The following CADPS variants were observed in gnomAD, a reference collection of about 807,000 sequenced individuals.
The protein encoded by CADPS is calcium dependent secretion activator, also known as calcium-dependent secretion activator 1.
Under a neutral mutation model 167.3 loss-of-function variants are expected in CADPS, and 57 were observed. That is an observed-to-expected ratio of 0.34 (90% confidence interval 0.28 to 0.42). CADPS has a LOEUF of 0.42. CADPS is among the 20% of genes least tolerant of loss of function. The pLI, the probability that CADPS is intolerant of heterozygous loss-of-function variation, is 1.00. For synonymous variants in CADPS, 676 were observed against 635.3 expected (o/e 1.06, Z -0.96); for missense variants, 1,414 against 1,738.1 (o/e 0.81, Z 3.32).
chr3:62,708,634 G>A (rs2082777094), intron 3 of CADPS, among the ~76,000 whole-genome samples: 1 of 151,954 alleles, frequency 6.6e-6, no homozygotes, highest in African/African-American at 2.4e-5. Flanking sequence ...GGGCTGAGTT[G>A]GGGAATGTAG....
chr3:62,779,542 T>C (rs1179146010), intron 1 of CADPS: 2 of 535,264 alleles, frequency 3.7e-6, no homozygotes, highest in East Asian at 5.3e-5. Context: ...GCCCATTTTG[T>C]ATTGTCTGCC....
chr3:62,445,655 G>T, intron 27 of CADPS, 110 bp downstream of exon 27: 1 of 663,756 alleles, frequency 1.5e-6, no homozygotes, highest in Non-Finnish European at 2.4e-6. Flanking sequence ...AGTTTAGCTA[G>T]CAGCAATTAA....
chr3:62,767,926 C>T (rs142881246), intron 1 of CADPS, among the ~76,000 whole-genome samples: 114 of 152,204 alleles, frequency 7.5e-4, no homozygotes, highest in Middle Eastern at 3.4e-3. Flanking sequence ...AAATGCTATG[C>T]CTTTGGAATC....
chr3:62,603,066 A>G (rs1357473401), intron 6 of CADPS, among the ~76,000 whole-genome samples: 8 of 152,178 alleles, frequency 5.3e-5, no homozygotes, highest in South Asian at 2.1e-4. Flanking sequence ...CCACGAAGCA[A>G]TTGTCACCTG....
intron 3 of CADPS, among the ~76,000 whole-genome samples, chr3:62,689,239 A>C (rs2078644901): frequency 6.6e-6 from 1 of 152,092 alleles, no homozygotes; most frequent in Admixed American, 6.5e-5. Context: ...TGAAAAAAAA[A>C]ATGCATTCCT....
At chr3:62,850,777 A>G (rs1043567768) in intron 1 of CADPS, among the ~76,000 whole-genome samples, 3 of 150,794 alleles carry the variant, frequency 2.0e-5, no homozygotes, top group Admixed American at 6.6e-5. Context: ...AGTTCTGTAG[A>G]TGTCTATTAG....
At chr3:62,738,859 A>G (rs1159260181) in intron 3 of CADPS, among the ~76,000 whole-genome samples, 1 of 152,236 alleles carries the variant, frequency 6.6e-6, no homozygotes, top group Non-Finnish European at 1.5e-5. Context: ...ATTATTTTAT[A>G]ATAAAACATT....
intron 3 of CADPS, among the ~76,000 whole-genome samples, chr3:62,683,090 T>C (rs910730058): frequency 6.6e-6 from 1 of 151,900 alleles, no homozygotes; most frequent in Middle Eastern, 3.2e-3. Context: ...GAGAGTAAAA[T>C]GGGGATGGTC....
intron 26 of CADPS, among the ~76,000 whole-genome samples, chr3:62,453,229 A>G (rs1030393029): frequency 6.6e-6 from 1 of 152,158 alleles, no homozygotes; most frequent in African/African-American, 2.4e-5. Context: ...AGGGATTGAG[A>G]GCAGAAAGGA....
In CADPS at chr3:62,446,456, A is replaced by T. The variant is rs2057243228; in HGVS notation, c.3637-659T>A. ...CTAGAGTGTTATGTTTGAGAGCATG[A>T]AGTTTGGAGTCAGATCTCAGTTCGA... On this transcript the variant is annotated intron_variant, in intron 26 of 29. Coordinates refer to ENST00000383710, the MANE Select transcript of CADPS (RefSeq NM_003716.4). This position sits in a 1 kb window ranked among gnomAD's most constrained non-coding sequence, Gnocchi z 4.9. Among the ~76,000 whole-genome samples the T allele has an allele frequency of 6.6e-6, 1 of 152,128 alleles. No individual in the cohort carries two copies. The highest frequency in any genetic ancestry group is 2.4e-5 in the African/African-American group (1 of 41,432).
In CADPS at chr3:62,544,125, C is replaced by T. The variant is rs1239922508; in HGVS notation, c.1966+5778G>A. ...ATCCAAAGCATTTGTAAATGAGTGA[C>T]ATGGATTCAGTCTTGTCCTTAATTT... On this transcript the variant is annotated intron_variant, in intron 11 of 29. Transcript: ENST00000383710. The surrounding 1 kb of genome is among the most constrained non-coding windows in gnomAD (Gnocchi z 4.4). Among the ~76,000 whole-genome samples the T allele has an allele frequency of 2.0e-5, 3 of 152,002 alleles. No homozygotes were observed. The highest frequency in any genetic ancestry group is 2.1e-4 in the South Asian group (1 of 4,818).
At chr3:62,746,313 G>A (rs561951007) in intron 3 of CADPS, among the ~76,000 whole-genome samples, 2 of 152,218 alleles carry the variant, frequency 1.3e-5, no homozygotes, top group African/African-American at 4.8e-5. Context: ...AACTTCATGG[G>A]CCAGACTTAA....
At chr3:62,850,854 G>A (rs1343705487) in intron 1 of CADPS, among the ~76,000 whole-genome samples, 1 of 151,600 alleles carries the variant, frequency 6.6e-6, no homozygotes, top group African/African-American at 2.4e-5. Flanking sequence ...TCGTTGATCT[G>A]TCTAATGTTG....
At chr3:62,424,620 C>T (rs535129867) in intron 28 of CADPS, among the ~76,000 whole-genome samples, 1 of 152,268 alleles carries the variant, frequency 6.6e-6, no homozygotes, top group East Asian at 1.9e-4. Context: ...GAAAACAGAA[C>T]TAAAACATTT....
At chr3:62,712,617 A>G (rs1329463195) in intron 3 of CADPS, among the ~76,000 whole-genome samples, 1 of 152,206 alleles carries the variant, frequency 6.6e-6, no homozygotes, top group Non-Finnish European at 1.5e-5. Flanking sequence ...CCTTAATTTA[A>G]TTAGCTAAGA....
intron 19 of CADPS, 59 bp from the exon 20 acceptor site, chr3:62,492,505 T>A (rs774419401): frequency 6.5e-7 from 1 of 1,534,040 alleles, no homozygotes; most frequent in Non-Finnish European, 9.0e-7. Flanking sequence ...TTCTCGGACA[T>A]AAGACGTGAA....
intron 27 of CADPS, among the ~76,000 whole-genome samples, chr3:62,444,391 G>A (rs1364853100): frequency 6.6e-6 from 1 of 152,174 alleles, no homozygotes; most frequent in Non-Finnish European, 1.5e-5. Context: ...TTCTATGTAT[G>A]TTGTGTCATT....
chr3:62,466,433 A>G lies in CADPS; in HGVS notation c.3478-20T>C, dbSNP rs536520866. On this transcript the variant is annotated intron_variant, in intron 24 of 29. Coordinates refer to ENST00000383710, the MANE Select transcript of CADPS (RefSeq NM_003716.4). Reference sequence around the variant, plus strand: ...TTGATGCTAAGAACACAGAAAGACAAATATTAGCATGTTTGGGAGGTGATG... The same window carrying G: ...TTGATGCTAAGAACACAGAAAGACAGATATTAGCATGTTTGGGAGGTGATG... 1.3e-6 allele frequency: 2 copies of G among 1,522,452 alleles called. No individual in the cohort carries two copies. Among genetic ancestry groups the G allele is most frequent in the East Asian group, 2.3e-5 (1 of 44,306 alleles). 94.3% of individuals were successfully genotyped at this position (1,522,452 alleles called of 1,614,324 possible). A position where few individuals can be genotyped will look rare whatever the true frequency, so the allele number is the denominator to read the frequency against.
At chr3:62,761,207 T>C (rs559066424) in intron 2 of CADPS, among the ~76,000 whole-genome samples, 1 of 151,672 alleles carries the variant, frequency 6.6e-6, no homozygotes, top group Non-Finnish European at 1.5e-5. Context: ...CAGCAAACTA[T>C]TGTTGTTGTT....
Sources: gnomAD v4.1 joint callset for allele counts (sites outside exome capture counted in the v4.1 genomes callset) on GRCh38, gnomAD v4.1.1 for gene constraint, Gnocchi (gnomAD v3.1) non-coding constraint, MANE v1.5 for transcripts, NCBI Gene and HGNC (gene_info 2026-07-23, HGNC 2026-07-21) for gene names.